The following CEMIP variants were observed in gnomAD, a reference collection of about 807,000 sequenced individuals.
The protein encoded by CEMIP is cell migration-inducing and hyaluronan-binding protein.
CEMIP carries 105 observed loss-of-function variants against 156.9 expected under a neutral mutation model. The ratio of observed to expected loss-of-function variants is 0.67; its 90% CI spans 0.57 to 0.79. The LOEUF (loss-of-function observed/expected upper bound fraction) is 0.79. CEMIP is among the 30% of genes least tolerant of loss of function. The pLI is 0.00. For synonymous variants in CEMIP, 676 were observed against 668.4 expected (o/e 1.01, Z -0.17); for missense variants, 1,457 against 1,769.4 (o/e 0.82, Z 3.17).
chr15:80,844,047 G>A (rs1897494719), intron 1 of CEMIP, among the ~76,000 whole-genome samples: 1 of 152,250 alleles, frequency 6.6e-6, no homozygotes, highest in African/African-American at 2.4e-5. Flanking sequence ...ACTCTCCATG[G>A]GGGCTGCTTT....
In CEMIP at chr15:80,927,109, G is replaced by A. The variant is rs190442712; in HGVS notation, c.2420+1354G>A. Among the ~76,000 whole-genome samples, 178 of 152,336 alleles carry A rather than the reference G, an allele frequency of 1.2e-3. 2 individuals are homozygous for A. The highest frequency in any genetic ancestry group is 6.8e-3 in the Middle Eastern group (2 of 294). ...CTCCCAAAGTGCTGGGATTACAGGC[G>A]TGAGCCACTGTGCCCAGCCGCAGGG... On this transcript the variant is annotated intron_variant, in intron 19 of 29. Transcript: ENST00000394685.
At chr15:80,925,541 G>C (rs756133185) in intron 18 of CEMIP, 83 bp from the exon 19 acceptor site, 112 of 1,564,086 alleles carry the variant, frequency 7.2e-5, no homozygotes, top group Non-Finnish European at 9.5e-5. Flanking sequence ...TGAGTAGAGA[G>C]AGGCTCACAG....
chr15:80,796,063 C>T (rs560633337), intron 1 of CEMIP, among the ~76,000 whole-genome samples: 12 of 152,292 alleles, frequency 7.9e-5, no homozygotes, highest in South Asian at 2.1e-4. Context: ...TGGCTTTTCC[C>T]ATAACTTTAA....
intron 1 of CEMIP, among the ~76,000 whole-genome samples, chr15:80,855,874 G>A (rs1171858082): frequency 6.6e-6 from 1 of 152,178 alleles, no homozygotes; most frequent in African/African-American, 2.4e-5. Context: ...CCCTGAAGCA[G>A]TCATAGTAAG....
intron 1 of CEMIP, among the ~76,000 whole-genome samples, chr15:80,816,863 A>G (rs373603046): frequency 1.3e-5 from 2 of 152,116 alleles, no homozygotes; most frequent in African/African-American, 4.8e-5. Context: ...CCTACAGTGC[A>G]CCGTTACTCT....
chr15:80,794,405 C>A (rs1033753108), intron 1 of CEMIP, among the ~76,000 whole-genome samples: 2 of 152,122 alleles, frequency 1.3e-5, no homozygotes, highest in African/African-American at 4.8e-5. Context: ...CAGCAGTGAC[C>A]AAAATGAGCT....
At chr15:80,908,876 C>G (rs1396105622) in intron 13 of CEMIP, among the ~76,000 whole-genome samples, 2 of 152,232 alleles carry the variant, frequency 1.3e-5, no homozygotes, top group African/African-American at 2.4e-5. Flanking sequence ...CACTCCATTT[C>G]CTCACAATGT....
At chr15:80,832,979 G>A (rs991802840) in intron 1 of CEMIP, among the ~76,000 whole-genome samples, 1 of 152,060 alleles carries the variant, frequency 6.6e-6, no homozygotes, top group African/African-American at 2.4e-5. Flanking sequence ...ACAGCATGTT[G>A]GCTGTGTTCC....
At position 80,809,974 on chromosome 15, in the gene CEMIP, G is replaced by A. The variant is rs926452646; in HGVS notation, c.-176+30360G>A. Among the ~76,000 whole-genome samples, 7 of 152,130 alleles carry A rather than the reference G, an allele frequency of 4.6e-5. No individual in the cohort carries two copies. In the East Asian group the frequency reaches 7.7e-4, roughly 17 times the overall value. On this transcript the variant is annotated intron_variant, in intron 1 of 29. Coordinates refer to ENST00000394685, the MANE Select transcript of CEMIP (RefSeq NM_001293298.2). ...AATCAGACTCACCTGAATAATATCC[G>A]TATCTTAAAGTCAACTGATTTGGGA...
intron 1 of CEMIP, among the ~76,000 whole-genome samples, chr15:80,827,964 C>G (rs1317324441): frequency 6.6e-6 from 1 of 152,150 alleles, no homozygotes; most frequent in Non-Finnish European, 1.5e-5. Context: ...CTGTCAGAAT[C>G]CTAAGTAGAT....
At chr15:80,902,087 C>T (rs1899585367) in intron 12 of CEMIP, among the ~76,000 whole-genome samples, 1 of 152,244 alleles carries the variant, frequency 6.6e-6, no homozygotes, top group Non-Finnish European at 1.5e-5. Context: ...GTCTGAGCTA[C>T]ATGTGCACAC....
In CEMIP at chr15:80,933,320, G is replaced by A; in HGVS notation, c.2869G>A (p.Val957Met). The A allele has an allele frequency of 2.5e-6, 4 of 1,614,188 alleles. No individual in the cohort carries two copies. The highest frequency in any genetic ancestry group is 3.4e-6 in the Non-Finnish European group (4 of 1,180,022). The change falls in exon 23 of 30, where the codon GTG becomes ATG. Residue 957 changes from valine to methionine, a missense_variant. Val to Met is a conservative substitution (Grantham distance 21). This residue lies in a region of CEMIP where 798 missense variants were observed against 980.1 expected (regional missense o/e 0.81). Coordinates refer to ENST00000394685, the MANE Select transcript of CEMIP (RefSeq NM_001293298.2). ...QLDMDGDKTS[V>M]FHDVDGSVSE... ...GGACATGGATGGGGATAAGACATCT[G>A]TGTTCCATGACGTCGACGGCTCCGT... is the stretch of plus-strand genomic sequence containing the variant.
chr15:80,874,027 C>T (rs529222463), intron 3 of CEMIP, 54 bp downstream of exon 3: 639 of 1,485,504 alleles, frequency 4.3e-4, no homozygotes, highest in South Asian at 2.7e-3. Flanking sequence ...GGCACGGCCC[C>T]TCACTGGAGC....
chr15:80,848,578 T>C (rs1269125762), intron 1 of CEMIP, among the ~76,000 whole-genome samples: 1 of 152,194 alleles, frequency 6.6e-6, no homozygotes, highest in Non-Finnish European at 1.5e-5. Context: ...GTCCCATTTA[T>C]GGAGGATCTC....
chr15:80,906,887 A>C lies in CEMIP; in HGVS notation c.1587+49A>C. ...TTTCAACCCAACCAGGAGAGTTCCTATGATGTCAGCCTCTAGACGGGCCTT... is the reference window on the plus strand; with the variant it reads ...TTTCAACCCAACCAGGAGAGTTCCTCTGATGTCAGCCTCTAGACGGGCCTT... On this transcript the variant is annotated intron_variant, in intron 13 of 29. Coordinates refer to ENST00000394685, the MANE Select transcript of CEMIP (RefSeq NM_001293298.2). The surrounding 1 kb of genome is among the most constrained non-coding windows in gnomAD (Gnocchi z 4.3). 1 of 1,565,558 alleles carries C rather than the reference A, an allele frequency of 6.4e-7. No individual in the cohort carries two copies. The highest frequency in any genetic ancestry group is 8.7e-7 in the Non-Finnish European group (1 of 1,152,098).
rs759233848 is a variant in CEMIP, at chr15:80,942,342, G to A, written c.3699+5G>A. On this transcript the variant is annotated splice_donor_5th_base_variant and intron_variant, in intron 27 of 29. Coordinates refer to ENST00000394685, the MANE Select transcript of CEMIP (RefSeq NM_001293298.2). Reference sequence around the variant, plus strand: ...AACGACTTCGCTTACATTGAAGTAAGTGCCTCTGGCCCCTGGAGGATTCGG... The same window carrying A: ...AACGACTTCGCTTACATTGAAGTAAATGCCTCTGGCCCCTGGAGGATTCGG... 6.2e-6 allele frequency: 10 copies of A among 1,611,486 alleles called. No homozygotes were observed. The highest frequency in any genetic ancestry group is 1.3e-5 in the African/African-American group (1 of 74,860).
intron 1 of CEMIP, among the ~76,000 whole-genome samples, chr15:80,794,614 C>T (rs1353162567): frequency 6.6e-6 from 1 of 152,172 alleles, no homozygotes; most frequent in Non-Finnish European, 1.5e-5. Context: ...CAGGTAGTCA[C>T]TATAAAAAGT....
intron 12 of CEMIP, among the ~76,000 whole-genome samples, chr15:80,902,931 G>A (rs1899632745): frequency 6.6e-6 from 1 of 152,138 alleles, no homozygotes; most frequent in Non-Finnish European, 1.5e-5. Flanking sequence ...AACAATCACA[G>A]CCAACTTTTG....
At chr15:80,948,635 A>G in intron 29 of CEMIP, 162 bp from the exon 30 acceptor site, 2 of 930,464 alleles carry the variant, frequency 2.1e-6, no homozygotes, top group Admixed American at 3.6e-5. Flanking sequence ...GTCAGGCACC[A>G]TCAGTAGCTG....
Sources: gnomAD v4.1 joint callset for allele counts (sites outside exome capture counted in the v4.1 genomes callset) on GRCh38, gnomAD v4.1.1 for gene constraint, gnomAD v4.1.1 regional missense constraint, Gnocchi (gnomAD v3.1) non-coding constraint, MANE v1.5 for transcripts, NCBI Gene and HGNC (gene_info 2026-07-23, HGNC 2026-07-21) for gene names.